STX18: variants seen among roughly 807,000 people sequenced by gnomAD.
The protein encoded by STX18 is syntaxin-18.
Under a neutral mutation model 50.1 loss-of-function variants are expected in STX18, and 40 were observed. The observed-to-expected ratio is 0.80, with a 90% confidence interval of 0.62 to 1.04. The LOEUF (loss-of-function observed/expected upper bound fraction) is 1.04. STX18 is among the 50% of genes least tolerant of loss of function. The probability of loss-of-function intolerance (pLI) is 0.00; values close to 1 mark genes in which losing one functional copy is unlikely to be tolerated. For missense variants in STX18, 410 were observed against 415.8 expected (o/e 0.99, Z 0.12); for synonymous variants, 158 against 151.8 (o/e 1.04, Z -0.30).
chr4:4,425,272 A>G (rs1725189016), intron 7 of STX18, 50 bp from the exon 8 acceptor site: 1 of 1,539,454 alleles, frequency 6.5e-7, no homozygotes, highest in Non-Finnish European at 9.0e-7. Context: ...AACTTAGGCA[A>G]GAGTCTAGCA....
At chr4:4,452,134 C>T (rs964904816) in intron 5 of STX18, among the ~76,000 whole-genome samples, 5 of 151,650 alleles carry the variant, frequency 3.3e-5, no homozygotes, top group African/African-American at 7.3e-5. Flanking sequence ...CCTAATTCAG[C>T]GCAAGGCCCT....
intron 1 of STX18, chr4:4,507,425 T>TC (rs1729765690): frequency 1.3e-6 from 1 of 758,484 alleles, no homozygotes. Context: ...TTCCAGAAAA[T>TC]CCAAGTCCGG....
intron 1 of STX18, among the ~76,000 whole-genome samples, chr4:4,488,612 A>C (rs1484251391): frequency 6.6e-6 from 1 of 152,230 alleles, no homozygotes; most frequent in African/African-American, 2.4e-5. Flanking sequence ...TTCCTCAGTG[A>C]GCAGTACAGT....
intron 5 of STX18, among the ~76,000 whole-genome samples, chr4:4,439,056 CCACATATATACCCACA>C: frequency 6.7e-6 from 1 of 148,830 alleles, no homozygotes; most frequent in African/African-American, 2.5e-5. Context: ...ACATACCCTC[CCACATATATACCCACA>C]CACATATATA....
At chr4:4,506,247 A>C (rs1000768652) in intron 1 of STX18, among the ~76,000 whole-genome samples, 1 of 152,260 alleles carries the variant, frequency 6.6e-6, no homozygotes, top group African/African-American at 2.4e-5. Flanking sequence ...GTATACAAAC[A>C]TTTGTAGCAG....
chr4:4,421,032 G>A (rs1387690860), intron 9 of STX18, 88 bp from the exon 10 acceptor site: 21 of 1,295,968 alleles, frequency 1.6e-5, no homozygotes, highest in Non-Finnish European at 2.2e-5. Context: ...TCCTTTGAGT[G>A]TCATGTCAGC....
chr4:4,527,433 T>G (rs1730821721), intron 1 of STX18, among the ~76,000 whole-genome samples: 1 of 152,176 alleles, frequency 6.6e-6, no homozygotes, highest in Non-Finnish European at 1.5e-5. Context: ...ACTTTTGGAG[T>G]TGAAGTATTT....
At chr4:4,494,418 C>G (rs139223743) in intron 1 of STX18, among the ~76,000 whole-genome samples, 1 of 152,086 alleles carries the variant, frequency 6.6e-6, no homozygotes, top group South Asian at 2.1e-4. Flanking sequence ...TTTTTCATAT[C>G]CAAGTCTCGG....
At chr4:4,511,727 T>C (rs1002298493) in intron 1 of STX18, among the ~76,000 whole-genome samples, 1 of 147,590 alleles carries the variant, frequency 6.8e-6, no homozygotes, top group African/African-American at 2.5e-5. Context: ...TGTGTGTGTG[T>C]GTGTGTGTGT....
At chr4:4,433,329 TA>T (rs1725610919) in intron 7 of STX18, among the ~76,000 whole-genome samples, 1 of 152,076 alleles carries the variant, frequency 6.6e-6, no homozygotes, top group African/African-American at 2.4e-5. Context: ...AAACAACCTA[TA>T]GCTTTTATGT....
intron 2 of STX18, among the ~76,000 whole-genome samples, chr4:4,469,693 C>T (rs929307931): frequency 2.6e-5 from 4 of 152,116 alleles, no homozygotes; most frequent in African/African-American, 9.7e-5. Flanking sequence ...GATGCACTCG[C>T]ACCACTTCTC....
intron 5 of STX18, among the ~76,000 whole-genome samples, chr4:4,452,506 G>C (rs1038732588): frequency 5.9e-5 from 9 of 152,170 alleles, no homozygotes; most frequent in African/African-American, 1.9e-4. Context: ...TAATGCAGCA[G>C]ATGATTTTAA....
chr4:4,503,031 T>C (rs1729527639), intron 1 of STX18, among the ~76,000 whole-genome samples: 1 of 152,148 alleles, frequency 6.6e-6, no homozygotes, highest in Admixed American at 6.5e-5. Flanking sequence ...CTCTCACAAG[T>C]CAAGGGCTCC....
chr4:4,426,247 G>T (rs1357496528), intron 7 of STX18: 1 of 152,228 alleles, frequency 6.6e-6, no homozygotes, highest in Non-Finnish European at 1.5e-5. Flanking sequence ...GCTTCCTGAG[G>T]GCGGGAACTG....
rs150106319 is a variant in STX18 at position 4,535,186 on chromosome 4, T to C, written c.168+6611A>G. ...CCCCTAAAGAGATTTAGGTATCCTT[T>C]ATCTATCTTTTCAAAGAACAGGTTA... On this transcript the variant is annotated intron_variant, in intron 1 of 10. Transcript: ENST00000306200. Among the ~76,000 whole-genome samples, 9 of 152,374 alleles carry C rather than the reference T, an allele frequency of 5.9e-5. No homozygotes were observed. In the East Asian group the frequency reaches 1.5e-3, roughly 26 times the overall value.
At chr4:4,485,767 G>C (rs991867961) in intron 1 of STX18, among the ~76,000 whole-genome samples, 1 of 152,134 alleles carries the variant, frequency 6.6e-6, no homozygotes, top group African/African-American at 2.4e-5. Flanking sequence ...GTTTCTGTGG[G>C]ATGCACCTAC....
At chr4:4,460,889 G>C (rs1028307399) in intron 2 of STX18, among the ~76,000 whole-genome samples, 2 of 152,058 alleles carry the variant, frequency 1.3e-5, no homozygotes, top group Non-Finnish European at 2.9e-5. Flanking sequence ...CAGATGAATG[G>C]CTCCCCTCTG....
intron 1 of STX18, among the ~76,000 whole-genome samples, chr4:4,503,910 T>C (rs554465174): frequency 6.6e-6 from 1 of 152,214 alleles, no homozygotes; most frequent in Non-Finnish European, 1.5e-5. Flanking sequence ...CTGAAAACTA[T>C]ATCCTTTGCA....
intron 1 of STX18, among the ~76,000 whole-genome samples, chr4:4,535,104 T>A (rs1731270810): frequency 6.6e-6 from 1 of 152,240 alleles, no homozygotes; most frequent in Non-Finnish European, 1.5e-5. Flanking sequence ...TCTGGTGGAA[T>A]GGTTTTTCTC....
Sources: allele counts gnomAD v4.1 joint callset (sites outside exome capture counted in the v4.1 genomes callset), GRCh38; gene constraint gnomAD v4.1.1; transcripts MANE v1.5; gene names NCBI Gene and HGNC (gene_info 2026-07-23, HGNC 2026-07-21).